SNX13: variants seen among roughly 807,000 people sequenced by gnomAD.
The protein encoded by SNX13 is sorting nexin 13, also known as sorting nexin-13.
SNX13 carries 45 observed loss-of-function variants against 133.6 expected under a neutral mutation model. The observed-to-expected ratio is 0.34, with a 90% CI of 0.27 to 0.43. The LOEUF is 0.43. Among genes scored for constraint, SNX13 ranks in the 20% least tolerant of loss-of-function variants. The pLI, the probability that SNX13 is intolerant of heterozygous loss-of-function variation, is 1.00. For synonymous variants in SNX13, 414 were observed against 373.9 expected (o/e 1.11, Z -1.24); for missense variants, 1,032 against 1,145.1 (o/e 0.90, Z 1.43).
chr7:17,827,057 G>C (rs960449234), intron 16 of SNX13, among the ~76,000 whole-genome samples: 2 of 152,058 alleles, frequency 1.3e-5, no homozygotes, highest in Admixed American at 1.3e-4. Context: ...TAGGAGTCCA[G>C]AATTTTGGTA....
chr7:17,829,500 C>G (rs1484254226), intron 16 of SNX13, among the ~76,000 whole-genome samples: 4 of 151,322 alleles, frequency 2.6e-5, no homozygotes, highest in African/African-American at 4.8e-5. Context: ...GTAAAACTGT[C>G]TAAACTTACA....
At chr7:17,838,125 G>A (rs1789370744) in intron 13 of SNX13, among the ~76,000 whole-genome samples, 1 of 151,870 alleles carries the variant, frequency 6.6e-6, no homozygotes, top group African/African-American at 2.4e-5. Context: ...TTTTACCACA[G>A]ACCAAGATTT....
intron 1 of SNX13, among the ~76,000 whole-genome samples, chr7:17,925,924 T>A (rs976929075): frequency 1.6e-4 from 25 of 152,234 alleles, no homozygotes; most frequent in Non-Finnish European, 1.2e-4. Flanking sequence ...AATTTGCACA[T>A]ACCAAGTATT....
intron 12 of SNX13, among the ~76,000 whole-genome samples, chr7:17,841,541 G>C (rs1161382937): frequency 9.1e-6 from 1 of 110,010 alleles, no homozygotes; most frequent in Non-Finnish European, 1.8e-5. Context: ...GATTCAAACA[G>C]CCAGTTATTC....
chr7:17,900,502 A>G (rs1562494058), intron 1 of SNX13, among the ~76,000 whole-genome samples: 1 of 152,226 alleles, frequency 6.6e-6, no homozygotes, highest in Non-Finnish European at 1.5e-5. Context: ...ACTCTACTGC[A>G]GGTGGGCTAG....
At chr7:17,857,189 G>A (rs190944476) in intron 9 of SNX13, among the ~76,000 whole-genome samples, 31 of 152,186 alleles carry the variant, frequency 2.0e-4, no homozygotes, top group Admixed American at 9.8e-4. Flanking sequence ...AAACCATAAA[G>A]AAATAGAAAA....
intron 3 of SNX13, among the ~76,000 whole-genome samples, chr7:17,892,225 T>G (rs1028365793): frequency 6.6e-6 from 1 of 152,030 alleles, no homozygotes; most frequent in Non-Finnish European, 1.5e-5. Context: ...TAAAAATACA[T>G]GCTTCAAAGT....
At chr7:17,888,803 G>A (rs962942531) in intron 5 of SNX13, 2 of 463,716 alleles carry the variant, frequency 4.3e-6, no homozygotes, top group Non-Finnish European at 4.4e-6. Context: ...GAGGAACACA[G>A]AACAGGGCAG....
At chr7:17,804,960 G>C (rs1785022540) in intron 20 of SNX13, among the ~76,000 whole-genome samples, 1 of 152,138 alleles carries the variant, frequency 6.6e-6, no homozygotes, top group Non-Finnish European at 1.5e-5. Flanking sequence ...TTAATAAAAA[G>C]TGAATTTCAA....
Position 17,850,337 on chromosome 7 carries a change from C to G in SNX13, c.1065+10G>C. 6 of 1,566,466 alleles carry G rather than the reference C, an allele frequency of 3.8e-6. No homozygotes were observed. The highest frequency in any genetic ancestry group is 5.2e-6 in the Non-Finnish European group (6 of 1,152,126). On this transcript the variant is annotated intron_variant, in intron 11 of 25. Transcript: ENST00000428135. ...ATAACTAAACGTTAATTCAAAACTA[C>G]TTTACTTACTTTGCCTGACTGCAAT...
intron 5 of SNX13, 106 bp from the exon 6 acceptor site, chr7:17,875,896 A>T (rs1794677040): frequency 2.2e-6 from 2 of 924,596 alleles, no homozygotes; most frequent in Non-Finnish European, 3.1e-6. Flanking sequence ...TGAGACTGTA[A>T]ATTTAAATTG....
Position 17,839,311 on chromosome 7 carries a change from T to G in SNX13, c.1359+496A>C, listed in dbSNP as rs183018403. Among the ~76,000 whole-genome samples, 677 of 151,400 alleles carry G rather than the reference T, an allele frequency of 4.5e-3. 2 individuals carry two copies. Among genetic ancestry groups the G allele is most frequent in the African/African-American group, 0.016 (645 of 41,390 alleles). ...AAAGTCTTGTATATCCTTGATGTTT[T>G]TCTATCTAATTGTTTTATCAATTAT... is the stretch of plus-strand genomic sequence containing the variant. On this transcript the variant is annotated intron_variant, in intron 13 of 25. Coordinates refer to ENST00000428135, the MANE Select transcript of SNX13 (RefSeq NM_015132.5).
At chr7:17,833,984 G>C in intron 15 of SNX13, 68 bp downstream of exon 15, 1 of 1,197,510 alleles carries the variant, frequency 8.4e-7, no homozygotes, top group Non-Finnish European at 1.1e-6. Context: ...TTATACAAAA[G>C]CTCTTTTGGT....
chr7:17,910,212 C>T (rs547853221), intron 1 of SNX13, among the ~76,000 whole-genome samples: 1 of 152,290 alleles, frequency 6.6e-6, no homozygotes, highest in Non-Finnish European at 1.5e-5. Flanking sequence ...CCTCCAAAAT[C>T]ATTCCCATAG....
chr7:17,806,091 T>C (rs1583304768), intron 20 of SNX13, among the ~76,000 whole-genome samples: 2 of 152,216 alleles, frequency 1.3e-5, no homozygotes, highest in East Asian at 3.8e-4. Context: ...TAGCTGTCCT[T>C]ACACAGATGC....
intron 17 of SNX13, among the ~76,000 whole-genome samples, chr7:17,825,126 T>A (rs1050603460): frequency 2.6e-5 from 4 of 152,206 alleles, no homozygotes; most frequent in Non-Finnish European, 5.9e-5. Flanking sequence ...AAGAAGCTAA[T>A]AAATACTTGT....
chr7:17,819,806 T>C (rs1787078989), intron 18 of SNX13, among the ~76,000 whole-genome samples: 1 of 152,162 alleles, frequency 6.6e-6, no homozygotes, highest in African/African-American at 2.4e-5. Context: ...AAAAGGAGTT[T>C]TTAATTTCTT....
chr7:17,835,017 G>T (rs958697969), intron 13 of SNX13, among the ~76,000 whole-genome samples, 152 bp from the exon 14 acceptor site: 9 of 151,892 alleles, frequency 5.9e-5, no homozygotes, highest in Non-Finnish European at 1.3e-4. Flanking sequence ...TAAGAAGGAT[G>T]AAACAGGACT....
intron 1 of SNX13, 49 bp from the exon 2 acceptor site, chr7:17,897,495 G>T (rs1797335097): frequency 4.6e-6 from 5 of 1,084,470 alleles, no homozygotes; most frequent in South Asian, 1.8e-5. Context: ...TTCTCCACAT[G>T]AATTAGAAAA....
Sources: gnomAD v4.1 joint callset for allele counts (sites outside exome capture counted in the v4.1 genomes callset) on GRCh38, gnomAD v4.1.1 for gene constraint, MANE v1.5 for transcripts, NCBI Gene and HGNC (gene_info 2026-07-23, HGNC 2026-07-21) for gene names.